AMBRA1: variants seen among roughly 807,000 people sequenced by gnomAD.
The protein encoded by AMBRA1 is activating molecule in BECN1-regulated autophagy protein 1.
AMBRA1 carries 47 observed loss-of-function variants against 125.4 expected under a neutral mutation model. That is an observed-to-expected ratio of 0.37 (90% confidence interval 0.30 to 0.48). AMBRA1 has a LOEUF of 0.48. Ranked by LOEUF, AMBRA1 falls within the 20% of genes least tolerant of loss-of-function variation. AMBRA1 has a pLI of 0.99. For missense variants in AMBRA1, 1,331 were observed against 1,693.4 expected (o/e 0.79, Z 3.76); for synonymous variants, 626 against 655.5 (o/e 0.95, Z 0.69).
chr11:46,564,331 A>G (rs1287926736), intron 1 of AMBRA1, among the ~76,000 whole-genome samples: 1 of 152,110 alleles, frequency 6.6e-6, no homozygotes, highest in Non-Finnish European at 1.5e-5. Context: ...ATTATCTAAT[A>G]TTCATTGAAC....
intron 1 of AMBRA1, among the ~76,000 whole-genome samples, chr11:46,588,394 T>C (rs548276414): frequency 6.6e-6 from 1 of 152,288 alleles, no homozygotes; most frequent in African/African-American, 2.4e-5. Flanking sequence ...TTCATTGTTG[T>C]TGTAAAATAG....
At chr11:46,505,282 T>C (rs1349131013) in intron 9 of AMBRA1, among the ~76,000 whole-genome samples, 8 of 152,190 alleles carry the variant, frequency 5.3e-5, no homozygotes, top group Non-Finnish European at 1.0e-4. Flanking sequence ...TTCTTTGTTA[T>C]TCTCCCTCCT....
intron 12 of AMBRA1, among the ~76,000 whole-genome samples, chr11:46,441,398 C>T (rs1292732136): frequency 6.6e-6 from 1 of 151,834 alleles, no homozygotes; most frequent in African/African-American, 2.4e-5. Flanking sequence ...CCTGTAGTCC[C>T]AGCTACTCGG....
At position 46,398,065 on chromosome 11, in the gene AMBRA1, G is replaced by T; in HGVS notation, c.3404-122C>A. On this transcript the variant is annotated intron_variant, in intron 17 of 17. Coordinates refer to ENST00000683756, the MANE Select transcript of AMBRA1 (RefSeq NM_001387011.1). ...CTAAACGCAGGATAGAGAAAGACTC[G>T]CTCCATCACTGTGAAAACCAATCCG... 3.1e-6 allele frequency: 4 copies of T among 1,299,050 alleles called. No individual in the cohort carries two copies. In the South Asian group the frequency reaches 4.6e-5, roughly 15 times the overall value. 80.5% of individuals were successfully genotyped at this position (1,299,050 alleles called of 1,614,324 possible).
chr11:46,548,212 C>G, intron 2 of AMBRA1, 34 bp downstream of exon 2: 1 of 1,613,650 alleles, frequency 6.2e-7, no homozygotes, highest in Non-Finnish European at 8.5e-7. Context: ...ATCACCAGCA[C>G]AAATCCTATG....
At position 46,462,197 on chromosome 11, in the gene AMBRA1, G is replaced by C. The variant is rs535057831; in HGVS notation, c.2522-18599C>G. On this transcript the variant is annotated intron_variant, in intron 11 of 17. Coordinates refer to ENST00000683756, the MANE Select transcript of AMBRA1 (RefSeq NM_001387011.1). Reference sequence around the variant, plus strand: ...CCTGGACCTGCTATCACAAGTTAGGGATGCGCGTAAACAAGTGAGCACGGC... The same window carrying C: ...CCTGGACCTGCTATCACAAGTTAGGCATGCGCGTAAACAAGTGAGCACGGC... Among the ~76,000 whole-genome samples the C allele has an allele frequency of 1.6e-4, 25 of 152,286 alleles. No individual in the cohort carries two copies. In the South Asian group the frequency reaches 4.8e-3, roughly 29 times the overall value.
At position 46,542,160 on chromosome 11, in the gene AMBRA1, G is replaced by A. The variant is rs760391709; in HGVS notation, c.1857C>T (p.Leu619=). The A allele has an allele frequency of 1.1e-5, 17 of 1,613,544 alleles. No homozygotes were observed. The East Asian group carries it at 1.1e-4, about 11-fold the overall frequency. Residue 619 remains leucine (L), a synonymous_variant, in exon 7 of 18, where the codon CTC becomes CTT. Coordinates refer to ENST00000683756, the MANE Select transcript of AMBRA1 (RefSeq NM_001387011.1). This position sits in a 1 kb window ranked among gnomAD's most constrained non-coding sequence, Gnocchi z 5.9. ...VPSSGSQLPP[L]ERTEGQTPSS... ...TGGGCGTTTGGCCCTCAGTCCGCTC[G>A]AGAGGTGGCAACTGGCTGCCACTTG...
At chr11:46,419,318 G>C (rs1946729711) in intron 14 of AMBRA1, among the ~76,000 whole-genome samples, 1 of 152,122 alleles carries the variant, frequency 6.6e-6, no homozygotes, top group Non-Finnish European at 1.5e-5. Context: ...TCAGAGATAG[G>C]GGCAGGTCAG....
At chr11:46,488,001 C>T (rs112578969) in intron 11 of AMBRA1, among the ~76,000 whole-genome samples, 7,037 of 152,148 alleles carry the variant, frequency 0.046, 516 homozygotes, top group African/African-American at 0.16. Flanking sequence ...CATAAAAGAA[C>T]TGCAGTAGCT....
chr11:46,519,342 T>C (rs549653662), intron 7 of AMBRA1, among the ~76,000 whole-genome samples: 5 of 152,220 alleles, frequency 3.3e-5, no homozygotes, highest in East Asian at 1.9e-4. Context: ...TCAAATTCAA[T>C]AGATATCAGA....
chr11:46,514,871 A>G (rs2135062765), intron 7 of AMBRA1, among the ~76,000 whole-genome samples: 1 of 152,358 alleles, frequency 6.6e-6, no homozygotes, highest in South Asian at 2.1e-4. Context: ...AGGTAAGGGT[A>G]GTGAGAGATA....
chr11:46,547,627 TG>T (rs1187400443), intron 3 of AMBRA1, among the ~76,000 whole-genome samples, 189 bp downstream of exon 3: 1 of 152,194 alleles, frequency 6.6e-6, no homozygotes, highest in Non-Finnish European at 1.5e-5. Context: ...CAGTTTCCTT[TG>T]CTTGTTCTCA....
intron 12 of AMBRA1, among the ~76,000 whole-genome samples, chr11:46,441,944 G>C (rs1948029587): frequency 6.7e-6 from 1 of 148,652 alleles, no homozygotes. Context: ...AAGGGAAATG[G>C]TGGCTCAGTG....
chr11:46,554,613 A>G (rs2043110014), intron 1 of AMBRA1, among the ~76,000 whole-genome samples: 1 of 152,178 alleles, frequency 6.6e-6, no homozygotes, highest in Admixed American at 6.5e-5. Flanking sequence ...TTAAAAGGAT[A>G]AGGGACTTCT....
rs191535949 is a variant in AMBRA1, at chr11:46,477,073, T to C, written c.2521+16535A>G. Among the ~76,000 whole-genome samples, 32 of 147,166 alleles carry C rather than the reference T, an allele frequency of 2.2e-4. No individual in the cohort carries two copies. In the East Asian group the frequency reaches 6.2e-3, roughly 28 times the overall value. ...TTGCAGTGAGCCGAGATTGCGCCACTGCACTCCAGCCTGGGCAAGACTGTC... is the reference window on the plus strand; with the variant it reads ...TTGCAGTGAGCCGAGATTGCGCCACCGCACTCCAGCCTGGGCAAGACTGTC... On this transcript the variant is annotated intron_variant, in intron 11 of 17. Transcript: ENST00000683756.
At chr11:46,423,754 C>A (rs535662322) in intron 14 of AMBRA1, among the ~76,000 whole-genome samples, 3 of 147,106 alleles carry the variant, frequency 2.0e-5, no homozygotes, top group Non-Finnish European at 4.5e-5. Context: ...AGGCAGTGCA[C>A]CCATTTTTTT....
At chr11:46,582,156 C>T (rs545459366) in intron 1 of AMBRA1, among the ~76,000 whole-genome samples, 2 of 151,870 alleles carry the variant, frequency 1.3e-5, no homozygotes, top group Non-Finnish European at 2.9e-5. Context: ...ATAGTCCTGC[C>T]TAAGTCTCTA....
intron 14 of AMBRA1, among the ~76,000 whole-genome samples, chr11:46,419,273 T>C (rs965613840): frequency 6.6e-6 from 1 of 152,342 alleles, no homozygotes; most frequent in East Asian, 1.9e-4. Context: ...ACAGTCTCTT[T>C]CACCACTCTC....
chr11:46,542,261 T>G lies in AMBRA1; in HGVS notation c.1756A>C (p.Arg586=). 1 of 1,614,102 alleles carries G rather than the reference T, an allele frequency of 6.2e-7. No individual in the cohort carries two copies. The highest frequency in any genetic ancestry group is 8.5e-7 in the Non-Finnish European group (1 of 1,180,036). ...CCAGAGGAGTAGTTAGGTGTGGTTC[T>G]TTCCCAGCGCAGGGTATCGTTGTTG... ...TFNNDTLRWE[R]TTPNYSSGEA... The change falls in exon 7 of 18, where the codon AGA becomes CGA. Residue 586 remains arginine, a synonymous_variant. Coordinates refer to ENST00000683756, the MANE Select transcript of AMBRA1 (RefSeq NM_001387011.1). The surrounding 1 kb of genome is among the most constrained non-coding windows in gnomAD (Gnocchi z 5.9).
Sources: allele counts gnomAD v4.1 joint callset (sites outside exome capture counted in the v4.1 genomes callset), GRCh38; gene constraint gnomAD v4.1.1; non-coding constraint Gnocchi (gnomAD v3.1); transcripts MANE v1.5; gene names NCBI Gene and HGNC (gene_info 2026-07-23, HGNC 2026-07-21).